The following RIMKLB variants were observed in gnomAD, a reference collection of about 807,000 sequenced individuals.
RIMKLB encodes the protein beta-citrylglutamate synthase B.
RIMKLB carries 7 observed loss-of-function variants against 32.0 expected under a neutral mutation model. The observed-to-expected ratio is 0.22, with a 90% confidence interval of 0.12 to 0.41. RIMKLB has a LOEUF of 0.41. Ranked by LOEUF, RIMKLB falls within the 10% of genes least tolerant of loss-of-function variation. The probability of loss-of-function intolerance (pLI) is 1.00; values close to 1 mark genes in which losing one functional copy is unlikely to be tolerated. For synonymous variants in RIMKLB, 172 were observed against 185.1 expected (o/e 0.93, Z 0.57); for missense variants, 289 against 498.7 (o/e 0.58, Z 4.00).
chr12:8,730,317 C>T (rs1282681777), intron 2 of RIMKLB, among the ~76,000 whole-genome samples: 1 of 152,172 alleles, frequency 6.6e-6, no homozygotes, highest in Non-Finnish European at 1.5e-5. Flanking sequence ...TTTTGAATTG[C>T]TGGGCTCAGG....
At chr12:8,709,183 T>C (rs765031772) in intron 1 of RIMKLB, among the ~76,000 whole-genome samples, 5 of 152,236 alleles carry the variant, frequency 3.3e-5, no homozygotes, top group Non-Finnish European at 5.9e-5. Context: ...TGCCATTTTA[T>C]TTTATAGAGG....
chr12:8,711,677 A>G (rs1338981273), intron 1 of RIMKLB, among the ~76,000 whole-genome samples: 1 of 139,918 alleles, frequency 7.1e-6, no homozygotes, highest in African/African-American at 2.6e-5. Flanking sequence ...CCCTCCCCCA[A>G]ACATTTTAAG....
intron 5 of RIMKLB, among the ~76,000 whole-genome samples, chr12:8,762,458 C>T (rs1311774082): frequency 6.6e-6 from 1 of 151,988 alleles, no homozygotes; most frequent in African/African-American, 2.4e-5. Flanking sequence ...TCAGTGTCGT[C>T]TTGGTGGTTC....
intron 1 of RIMKLB, among the ~76,000 whole-genome samples, chr12:8,682,877 C>T (rs935618278): frequency 8.0e-5 from 12 of 149,972 alleles, no homozygotes; most frequent in African/African-American, 2.9e-4. Context: ...CTCAGGTGAT[C>T]CGCCGGCCTC....
At chr12:8,706,436 C>A (rs1383143221) in intron 1 of RIMKLB, among the ~76,000 whole-genome samples, 1 of 144,614 alleles carries the variant, frequency 6.9e-6, no homozygotes, top group Non-Finnish European at 1.5e-5. Flanking sequence ...TGAGCCACCA[C>A]GCCTGGACTT....
chr12:8,675,403 TG>T, the RIMKLB span, among the ~76,000 whole-genome samples: 1 of 152,226 alleles, frequency 6.6e-6, no homozygotes, highest in South Asian at 2.1e-4. Context: ...TCTTAAGTGC[TG>T]GTTTTCAAGG....
At chr12:8,736,187 T>C (rs1946986418) in intron 2 of RIMKLB, among the ~76,000 whole-genome samples, 1 of 152,206 alleles carries the variant, frequency 6.6e-6, no homozygotes, top group South Asian at 2.1e-4. Context: ...ATGGGCCTAA[T>C]TTTAGAAAGC....
At chr12:8,761,678 A>G (rs1311632384) in intron 5 of RIMKLB, among the ~76,000 whole-genome samples, 2 of 152,128 alleles carry the variant, frequency 1.3e-5, no homozygotes, top group Admixed American at 6.5e-5. Context: ...GAGTGCAGTC[A>G]CCTCTCCCAG....
Position 8,777,096 on chromosome 12 carries a change from GTTT to G in RIMKLB, c.*3315_*3317del. ...CAGACAGGTAACCACTGCTGCTACTGTTTTTATTTGTTTGTTTGTTCAATTTTA... is the reference window on the plus strand; with the variant it reads ...CAGACAGGTAACCACTGCTGCTACTGTTATTTGTTTGTTTGTTCAATTTTA... On this transcript the variant is annotated 3_prime_UTR_variant, in exon 6 of 6. Coordinates refer to ENST00000535829, the MANE Select transcript of RIMKLB (RefSeq NM_001297776.2). 1.0e-6 allele frequency: 1 copy of G among 984,372 alleles called. No individual in the cohort carries two copies. Among genetic ancestry groups the G allele is most frequent in the Non-Finnish European group, 1.2e-6 (1 of 829,690 alleles). 61.0% of individuals were successfully genotyped at this position (984,372 alleles called of 1,614,324 possible).
chr12:8,766,679 C>T (rs979705978), intron 5 of RIMKLB, among the ~76,000 whole-genome samples: 5 of 152,162 alleles, frequency 3.3e-5, no homozygotes, highest in East Asian at 3.9e-4. Context: ...CCTCAGTCAC[C>T]GGGAGGAACC....
chr12:8,749,678 A>G (rs1008501470), intron 2 of RIMKLB, among the ~76,000 whole-genome samples, 184 bp from the exon 3 acceptor site: 3 of 152,092 alleles, frequency 2.0e-5, no homozygotes, highest in Non-Finnish European at 2.9e-5. Context: ...TGTGTACTAT[A>G]ATTTCTTTAA....
chr12:8,774,737 G>A lies in RIMKLB; in HGVS notation c.*953G>A. Reference sequence around the variant, plus strand: ...TATTTTTTCCCTTTTTGTTTTGGTAGTTGGGCATTTAAATAAGGACAAGGA... The same window carrying A: ...TATTTTTTCCCTTTTTGTTTTGGTAATTGGGCATTTAAATAAGGACAAGGA... On this transcript the variant is annotated 3_prime_UTR_variant, in exon 6 of 6. Transcript: ENST00000535829. The A allele has an allele frequency of 1.0e-6, 1 of 985,546 alleles. No homozygotes were observed. The highest frequency in any genetic ancestry group is 1.2e-6 in the Non-Finnish European group (1 of 829,802). 61.1% of individuals were successfully genotyped at this position (985,546 alleles called of 1,614,324 possible).
chr12:8,782,007 C>CTT (rs71659540), downstream of RIMKLB, among the ~76,000 whole-genome samples: 1 of 142,600 alleles, frequency 7.0e-6, no homozygotes, highest in Admixed American at 7.1e-5. Flanking sequence ...CTTATTTCAG[C>CTT]TTTTTTTTTT....
chr12:8,734,885 C>G (rs1946858443), intron 2 of RIMKLB, among the ~76,000 whole-genome samples: 1 of 152,130 alleles, frequency 6.6e-6, no homozygotes, highest in African/African-American at 2.4e-5. Flanking sequence ...CTTCGATGTT[C>G]CAGTTAGCCA....
At chr12:8,747,985 A>G (rs962404077) in intron 2 of RIMKLB, among the ~76,000 whole-genome samples, 23 of 151,954 alleles carry the variant, frequency 1.5e-4, no homozygotes, top group Non-Finnish European at 2.9e-4. Flanking sequence ...CAAACTCCCA[A>G]CCTCAGGTGA....
intron 5 of RIMKLB, among the ~76,000 whole-genome samples, chr12:8,770,837 A>G (rs1022116682): frequency 6.6e-6 from 1 of 152,206 alleles, no homozygotes; most frequent in Non-Finnish European, 1.5e-5. Context: ...TTGCAAGTCC[A>G]GGCCTACAGA....
At chr12:8,677,932 A>ATATTTATTTATTTATT (rs35415396), upstream of RIMKLB, among the ~76,000 whole-genome samples, 1 of 148,342 alleles carries the variant, frequency 6.7e-6, no homozygotes, top group African/African-American at 2.5e-5. Context: ...TATTTTTATT[A>ATATTTATTTATTTATT]TATTTATTTA....
chr12:8,764,515 G>A (rs1161705845), intron 5 of RIMKLB, among the ~76,000 whole-genome samples: 1 of 152,120 alleles, frequency 6.6e-6, no homozygotes, highest in Non-Finnish European at 1.5e-5. Context: ...AGGACCTCTC[G>A]GATAGTGACA....
intron 2 of RIMKLB, among the ~76,000 whole-genome samples, chr12:8,747,670 G>A (rs767003112): frequency 2.0e-5 from 3 of 152,164 alleles, no homozygotes; most frequent in South Asian, 2.1e-4. Flanking sequence ...ATCATATGGT[G>A]TATCTATAAA....
Sources: allele counts gnomAD v4.1 joint callset (sites outside exome capture counted in the v4.1 genomes callset), GRCh38; gene constraint gnomAD v4.1.1; transcripts MANE v1.5; gene names NCBI Gene and HGNC (gene_info 2026-07-23, HGNC 2026-07-21).